SLC30A8: variants seen among roughly 807,000 people sequenced by gnomAD.
SLC30A8 encodes solute carrier family 30 member 8.
In SLC30A8, 27 loss-of-function variants were observed where a neutral mutation model predicts 36.9. That is an observed-to-expected ratio of 0.73 (90% CI 0.54 to 1.01). The LOEUF is 1.01. Ranked by LOEUF, SLC30A8 falls within the 50% of genes least tolerant of loss-of-function variation. SLC30A8 has a pLI of 0.00. For synonymous variants in SLC30A8, 164 were observed against 172.4 expected (o/e 0.95, Z 0.38); for missense variants, 439 against 452.0 (o/e 0.97, Z 0.26).
chr8:116,960,898 T>C (rs1410660084), intron 1 of SLC30A8, among the ~76,000 whole-genome samples: 1 of 152,198 alleles, frequency 6.6e-6, no homozygotes, highest in African/African-American at 2.4e-5. Context: ...GTTTGCATGC[T>C]ATTGTGACTT....
chr8:116,977,179 C>T (rs1428673273), intron 1 of SLC30A8, among the ~76,000 whole-genome samples: 2 of 69,136 alleles, frequency 2.9e-5, no homozygotes, highest in African/African-American at 5.8e-5. Flanking sequence ...TTCAGTCAGT[C>T]GCTCTGTTGC....
At position 117,175,188 on chromosome 8, in the gene SLC30A8, A is replaced by G. The variant is rs981124692; in HGVS notation, c.*2507A>G. On this transcript the variant is annotated 3_prime_UTR_variant, in exon 8 of 8. Transcript: ENST00000456015. ...ATGTAGGTTTGTTACATAGGTATAC[A>G]TGTGCCATGGTGGTTTGCTGCACTC... 2.6e-5 allele frequency: 4 copies of G among 152,130 alleles called. No homozygotes were observed. Among genetic ancestry groups the G allele is most frequent in the African/African-American group, 9.7e-5 (4 of 41,422 alleles). 9.4% of individuals were successfully genotyped at this position (152,130 alleles called of 1,614,324 possible). A position where few individuals can be genotyped will look rare whatever the true frequency, so the allele number is the denominator to read the frequency against.
rs933549330 is a variant in SLC30A8, at chr8:116,995,142, C to T, written c.-266+44023C>T. ...AGATCTCGGCTCTAAACTGATTCTGCCCTACCTCAGCCTCTAAACTGATTC... is the reference window on the plus strand; with the variant it reads ...AGATCTCGGCTCTAAACTGATTCTGTCCTACCTCAGCCTCTAAACTGATTC... On this transcript the variant is annotated intron_variant, in intron 1 of 10. Transcript: ENST00000427715. Among the ~76,000 whole-genome samples, 5 of 152,016 alleles carry T rather than the reference C, an allele frequency of 3.3e-5. No individual in the cohort carries two copies. The East Asian group carries it at 5.8e-4, about 18-fold the overall frequency.
At chr8:117,060,310 G>A (rs1563573637) in intron 2 of SLC30A8, among the ~76,000 whole-genome samples, 1 of 152,046 alleles carries the variant, frequency 6.6e-6, no homozygotes, top group Non-Finnish European at 1.5e-5. Context: ...CAAGCGGGTG[G>A]GAGCATCTAT....
At chr8:117,078,729 C>T (rs1209917494) in intron 2 of SLC30A8, among the ~76,000 whole-genome samples, 1 of 152,158 alleles carries the variant, frequency 6.6e-6, no homozygotes, top group Admixed American at 6.5e-5. Flanking sequence ...CTGTGTTGTC[C>T]AGGCTGGAAT....
chr8:117,169,500 C>T (rs558704732), intron 6 of SLC30A8, among the ~76,000 whole-genome samples: 5 of 152,226 alleles, frequency 3.3e-5, no homozygotes, highest in African/African-American at 4.8e-5. Context: ...CATTATAATC[C>T]TCTGGGAAGC....
chr8:117,036,315 A>G (rs1035266461), intron 1 of SLC30A8, among the ~76,000 whole-genome samples: 1 of 152,136 alleles, frequency 6.6e-6, no homozygotes, highest in Non-Finnish European at 1.5e-5. Flanking sequence ...ACTTTCCCAT[A>G]TCTTCCTGTC....
At chr8:117,139,403 C>T (rs1325149683) in intron 1 of SLC30A8, among the ~76,000 whole-genome samples, 5 of 152,130 alleles carry the variant, frequency 3.3e-5, no homozygotes, top group East Asian at 1.9e-4. Flanking sequence ...GAGGAAGTAA[C>T]GAAAAGGCAA....
At chr8:116,981,531 A>G (rs1399935824) in intron 1 of SLC30A8, among the ~76,000 whole-genome samples, 2 of 152,192 alleles carry the variant, frequency 1.3e-5, no homozygotes, top group Non-Finnish European at 2.9e-5. Flanking sequence ...TAAGCATAGC[A>G]CCTGTTAGGT....
chr8:117,097,388 C>T (rs1819420999), intron 2 of SLC30A8, among the ~76,000 whole-genome samples: 2 of 69,342 alleles, frequency 2.9e-5, no homozygotes, highest in African/African-American at 7.1e-5. Flanking sequence ...CAAAGCAAGA[C>T]TCCATCTCAA....
chr8:117,130,722 T>G (rs1821097380), upstream of SLC30A8, among the ~76,000 whole-genome samples: 1 of 151,998 alleles, frequency 6.6e-6, no homozygotes, highest in Non-Finnish European at 1.5e-5. Context: ...GTTGTGAGAT[T>G]ATGAAGCCAA....
intron 1 of SLC30A8, among the ~76,000 whole-genome samples, chr8:116,955,454 G>A (rs59624781): frequency 0.028 from 4,275 of 152,192 alleles, 191 homozygotes; most frequent in African/African-American, 0.096. Flanking sequence ...GTTTGGCCGG[G>A]TGCGGTGGCT....
intron 2 of SLC30A8, among the ~76,000 whole-genome samples, chr8:117,064,764 C>G (rs143513588): frequency 3.9e-5 from 6 of 152,296 alleles, no homozygotes; most frequent in Admixed American, 6.5e-5. Context: ...TATGTAAGCC[C>G]TCCTTCCCCA....
At chr8:117,032,488 C>T (rs1817085476) in intron 1 of SLC30A8, among the ~76,000 whole-genome samples, 1 of 152,318 alleles carries the variant, frequency 6.6e-6, no homozygotes, top group East Asian at 1.9e-4. Flanking sequence ...CTTATTTGAC[C>T]TTATGCTATT....
At position 117,174,750 on chromosome 8, in the gene SLC30A8, G is replaced by A. The variant is rs1488412894; in HGVS notation, c.*2069G>A. ...TCACTGAATGTCAGGTAATCATTAT[G>A]GAGGGAGATTTGTGTGTCAACCAAA... On this transcript the variant is annotated 3_prime_UTR_variant, in exon 8 of 8. Transcript: ENST00000456015. The A allele has an allele frequency of 6.6e-6, 1 of 152,552 alleles. No individual in the cohort carries two copies. Among genetic ancestry groups the A allele is most frequent in the Non-Finnish European group, 1.5e-5 (1 of 68,014 alleles). 9.4% of individuals were successfully genotyped at this position (152,552 alleles called of 1,614,324 possible). A position where few individuals can be genotyped will look rare whatever the true frequency, so the allele number is the denominator to read the frequency against.
At chr8:116,988,776 C>T (rs1815535697) in intron 1 of SLC30A8, among the ~76,000 whole-genome samples, 1 of 152,294 alleles carries the variant, frequency 6.6e-6, no homozygotes, top group African/African-American at 2.4e-5. Flanking sequence ...TATTTTTAGA[C>T]CAGCTGGATA....
chr8:117,153,153 A>C, intron 3 of SLC30A8, 63 bp downstream of exon 3: 2 of 1,457,944 alleles, frequency 1.4e-6, no homozygotes, highest in Non-Finnish European at 9.2e-7. Context: ...CAAGGGTAAA[A>C]GTGGAAGACA....
In SLC30A8 at chr8:117,041,689, C is replaced by CA. The variant is rs536041878; in HGVS notation, c.-226+2441dup. ...GGGCAACAAGAGGTAAACTCTGTCT[C>CA]AAAAAAAAAATAAAAAAATAAAAAA... On this transcript the variant is annotated intron_variant, in intron 2 of 10. Transcript: ENST00000427715. Among the ~76,000 whole-genome samples, 559 of 144,556 alleles carry CA rather than the reference C, an allele frequency of 3.9e-3. 1 individual carries two copies. The highest frequency in any genetic ancestry group is 9.2e-3 in the South Asian group (42 of 4,572). 94.8% of individuals were successfully genotyped at this position (144,556 alleles called of 152,430 possible).
chr8:117,081,716 G>T (rs541305791), intron 2 of SLC30A8, among the ~76,000 whole-genome samples: 1 of 152,272 alleles, frequency 6.6e-6, no homozygotes, highest in African/African-American at 2.4e-5. Flanking sequence ...ACTTGGCATT[G>T]TCAGGTCTGC....
Sources: allele counts gnomAD v4.1 joint callset (sites outside exome capture counted in the v4.1 genomes callset), GRCh38; gene constraint gnomAD v4.1.1; transcripts MANE v1.5; gene names NCBI Gene and HGNC (gene_info 2026-07-23, HGNC 2026-07-21).